Variants in SLC16A1 observed in about 807,000 individuals in gnomAD.
The protein encoded by SLC16A1 is monocarboxylate transporter 1.
A neutral mutation model predicts 32.2 loss-of-function variants in SLC16A1; 11 were observed. The ratio of observed to expected loss-of-function variants is 0.34; its 90% CI spans 0.21 to 0.56. The LOEUF (loss-of-function observed/expected upper bound fraction) is 0.56. SLC16A1 is among the 20% of genes least tolerant of loss of function. SLC16A1 has a pLI of 0.87. For missense variants in SLC16A1, 435 were observed against 615.0 expected, an observed-to-expected ratio of 0.71 and a Z score of 3.10; for synonymous variants, 231 against 226.8, an observed-to-expected ratio of 1.02 and a Z score of -0.17.
Position 112,917,160 on chromosome 1 carries a change from T to C in SLC16A1, c.1228+18A>G, listed in dbSNP as rs1464334774. 3 of 1,614,066 alleles carry C rather than the reference T, an allele frequency of 1.9e-6. No individual in the cohort carries two copies. The highest frequency in any genetic ancestry group is 1.7e-5 in the Admixed American group (1 of 60,004). ...TTGTTTTGTAATAGACCCACATTAG[T>C]AGGGAGATATACTATACCTAAAAGT... On this transcript the variant is annotated intron_variant, in intron 4 of 4. Transcript: ENST00000369626. This position sits in a 1 kb window ranked among gnomAD's most constrained non-coding sequence, Gnocchi z 4.1.
At chr1:112,948,340 A>G (rs1013862766) in intron 1 of SLC16A1, among the ~76,000 whole-genome samples, 1 of 152,188 alleles carries the variant, frequency 6.6e-6, no homozygotes, top group African/African-American at 2.4e-5. Context: ...GCAGGCATTA[A>G]AAATGTATCA....
chr1:112,918,295 T>G (rs3849174), intron 3 of SLC16A1, among the ~76,000 whole-genome samples: 45,666 of 151,904 alleles, frequency 0.3, 8,784 homozygotes, highest in African/African-American at 0.54. Context: ...CGGGCACAGG[T>G]CACTGTTGTG....
intron 1 of SLC16A1, among the ~76,000 whole-genome samples, chr1:112,937,400 T>C (rs1309209938): frequency 6.6e-6 from 1 of 152,002 alleles, no homozygotes. Context: ...TAAGAAAGTA[T>C]AAGAAATAAG....
intron 2 of SLC16A1, among the ~76,000 whole-genome samples, chr1:112,925,137 A>G (rs1648894417): frequency 6.6e-6 from 1 of 152,210 alleles, no homozygotes; most frequent in Non-Finnish European, 1.5e-5. Context: ...AAGGAACCAA[A>G]TGAAAAGCAT....
intron 4 of SLC16A1, among the ~76,000 whole-genome samples, chr1:112,915,260 T>C (rs1648460658): frequency 6.6e-6 from 1 of 152,180 alleles, no homozygotes; most frequent in Non-Finnish European, 1.5e-5. Flanking sequence ...TCAAGAAAGC[T>C]TTCCTTAAAG....
Position 112,948,773 on chromosome 1 carries a change from G to C in SLC16A1, c.-45+7262C>G, listed in dbSNP as rs542619649. On this transcript the variant is annotated intron_variant, in intron 1 of 4. Transcript: ENST00000369626. ...CTGCCTGGGCCTCCCAAAGTGCTGG[G>C]ATTATGGGCATGGCCCCTGCACCGG... is the stretch of plus-strand genomic sequence containing the variant. Among the ~76,000 whole-genome samples, 56 of 152,152 alleles carry C rather than the reference G, an allele frequency of 3.7e-4. No individual in the cohort carries two copies. In the South Asian group the frequency reaches 4.8e-3, roughly 13 times the overall value.
intron 1 of SLC16A1, chr1:112,935,805 A>G (rs1408884123): frequency 6.6e-6 from 1 of 152,194 alleles, no homozygotes; most frequent in African/African-American, 2.4e-5. Context: ...TCTTCCTGAC[A>G]ATTTTGAAAA....
At chr1:112,938,452 T>C (rs544393095) in intron 1 of SLC16A1, among the ~76,000 whole-genome samples, 2 of 152,122 alleles carry the variant, frequency 1.3e-5, no homozygotes, top group African/African-American at 2.4e-5. Context: ...ACCAAAACAA[T>C]GAAAAAATCA....
intron 1 of SLC16A1, among the ~76,000 whole-genome samples, chr1:112,945,213 G>A (rs1019159699): frequency 2.2e-4 from 34 of 151,470 alleles, no homozygotes; most frequent in Non-Finnish European, 4.1e-4. Context: ...TTGCCATGGC[G>A]GTCTCAAACT....
rs376669402 is a variant in SLC16A1, at chr1:112,917,899, G to T, written c.507C>A (p.Phe169Leu). 3.0e-5 allele frequency: 49 copies of T among 1,607,554 alleles called. No homozygotes were observed. The highest frequency in any genetic ancestry group is 3.4e-6 in the Non-Finnish European group (4 of 1,177,298). The change falls in exon 4 of 5, where the codon TTC (phenylalanine) becomes TTA (leucine). Residue 169 changes from phenylalanine to leucine, a missense_variant. Phe to Leu is a conservative substitution (Grantham distance 22, BLOSUM62 0). Coordinates refer to ENST00000369626, the MANE Select transcript of SLC16A1 (RefSeq NM_003051.4). This position sits in a 1 kb window ranked among gnomAD's most constrained non-coding sequence, Gnocchi z 4.1. ...CTLAPLNQVF[F>L]GIFGWRGSFL... is the part of the protein sequence containing the mutation. ...AGCTTCCTCTCCATCCAAAGATACC[G>T]AAGAAAACCTGATTGAGGGGGGCCA... is the stretch of plus-strand genomic sequence containing the variant.
At chr1:112,926,667 A>AG (rs755199213) in intron 2 of SLC16A1, among the ~76,000 whole-genome samples, 76 of 152,278 alleles carry the variant, frequency 5.0e-4, no homozygotes, top group Non-Finnish European at 1.0e-3. Flanking sequence ...TGAGCCTAGG[A>AG]GTTCAAGACC....
At chr1:112,941,345 G>C (rs1251207868) in intron 1 of SLC16A1, among the ~76,000 whole-genome samples, 1 of 144,286 alleles carries the variant, frequency 6.9e-6, no homozygotes, top group Non-Finnish European at 1.5e-5. Flanking sequence ...GCGATGGTAC[G>C]ATCTTGGCTC....
At chr1:112,943,086 C>T (rs115934976) in intron 1 of SLC16A1, among the ~76,000 whole-genome samples, 180 of 152,070 alleles carry the variant, frequency 1.2e-3, no homozygotes, top group African/African-American at 4.1e-3. Context: ...ATTTGTTCAA[C>T]CAAATAAGCA....
chr1:112,940,927 A>G (rs545938687), intron 1 of SLC16A1, among the ~76,000 whole-genome samples: 13 of 152,298 alleles, frequency 8.5e-5, no homozygotes, highest in African/African-American at 3.1e-4. Context: ...CATTATCCTA[A>G]GCAAACTAAC....
chr1:112,940,733 T>A (rs746337267), intron 1 of SLC16A1, among the ~76,000 whole-genome samples: 2 of 152,188 alleles, frequency 1.3e-5, no homozygotes, highest in Admixed American at 1.3e-4. Flanking sequence ...TTTTATACTT[T>A]GATAAAAAGT....
intron 2 of SLC16A1, chr1:112,922,495 T>G: frequency 6.6e-6 from 2 of 300,912 alleles, no homozygotes; most frequent in Non-Finnish European, 1.3e-5. Flanking sequence ...AGAAAGTGGC[T>G]GGGCGCAGTA....
chr1:112,923,844 A>G, intron 2 of SLC16A1: 1 of 1,506,200 alleles, frequency 6.6e-7, no homozygotes, highest in South Asian at 1.1e-5. Flanking sequence ...GACCCTGCCC[A>G]CTGTGTACCA....
At chr1:112,939,126 C>T (rs966726455) in intron 1 of SLC16A1, among the ~76,000 whole-genome samples, 2 of 151,678 alleles carry the variant, frequency 1.3e-5, no homozygotes, top group African/African-American at 2.4e-5. Flanking sequence ...CTCCTGACCT[C>T]GTGATCCACC....
intron 2 of SLC16A1, among the ~76,000 whole-genome samples, chr1:112,925,669 G>A (rs977996544): frequency 8.5e-5 from 13 of 152,138 alleles, no homozygotes; most frequent in African/African-American, 9.7e-5. Flanking sequence ...GTGAGCCACC[G>A]TGCCTGGCCT....
Sources: gnomAD v4.1 joint callset for allele counts (sites outside exome capture counted in the v4.1 genomes callset) on GRCh38, gnomAD v4.1.1 for gene constraint, Gnocchi (gnomAD v3.1) non-coding constraint, MANE v1.5 for transcripts, NCBI Gene and HGNC (gene_info 2026-07-23, HGNC 2026-07-21) for gene names.